DPP9: variants seen among roughly 807,000 people sequenced by gnomAD.
DPP9 encodes dipeptidyl peptidase 9, also known as dipeptidyl peptidase IV-related protein-2.
A neutral mutation model predicts 110.7 loss-of-function variants in DPP9; 50 were observed. The ratio of observed to expected loss-of-function variants is 0.45; its 90% CI spans 0.36 to 0.57. DPP9 has a LOEUF of 0.57. Among genes scored for constraint, DPP9 ranks in the 20% least tolerant of loss-of-function variants. The pLI is 0.00. For synonymous variants in DPP9, 561 were observed against 514.4 expected (o/e 1.09, Z -1.23); for missense variants, 1,022 against 1,217.9 (o/e 0.84, Z 2.39).
chr19:4,704,613 G>C lies in DPP9; in HGVS notation c.427-309C>G, dbSNP rs2092480325. ...ACAGACCCTCTCCATAGCAGATGGG[G>C]GCCCCTGGGAGGGGCTGTCCCTGCC... On this transcript the variant is annotated intron_variant, in intron 5 of 21. Transcript: ENST00000262960. The surrounding 1 kb of genome is among the most constrained non-coding windows in gnomAD (Gnocchi z 6.0). Among the ~76,000 whole-genome samples the C allele has an allele frequency of 6.6e-6, 1 of 152,130 alleles. No individual in the cohort carries two copies. Among genetic ancestry groups the C allele is most frequent in the Admixed American group, 6.5e-5 (1 of 15,284 alleles).
rs747191146 is a variant in DPP9, at chr19:4,694,819, T to C, written c.1358A>G (p.His453Arg). Residue 453 changes from histidine (H) to arginine (R), a missense_variant, in exon 13 of 22, where the codon CAT becomes CGT. Around this residue, in one of 3 missense-constraint regions of DPP9, gnomAD observed 810 missense variants for 920.6 expected, o/e 0.88. Transcript: ENST00000262960. This position sits in a 1 kb window ranked among gnomAD's most constrained non-coding sequence, Gnocchi z 4.0. ...TTGGGGGAAGGGATAGAAGATGTCATGAACCTGTCCGGAAAGCAGATAGAA... is the reference window on the plus strand; with the variant it reads ...TTGGGGGAAGGGATAGAAGATGTCACGAACCTGTCCGGAAAGCAGATAGAA... ...EEVTNVWINV[H>R]DIFYPFPQSE... 5 of 1,613,642 alleles carry C rather than the reference T, an allele frequency of 3.1e-6. No homozygotes were observed. Among genetic ancestry groups the C allele is most frequent in the Non-Finnish European group, 4.2e-6 (5 of 1,179,844 alleles).
At chr19:4,715,019 CTTTTTTTTTTT>C (rs59314200) in intron 3 of DPP9, among the ~76,000 whole-genome samples, 2 of 68,608 alleles carry the variant, frequency 2.9e-5, no homozygotes, top group Admixed American at 2.5e-4. Flanking sequence ...TATATATATA[CTTTTTTTTTTT>C]TTTTTTTTTT....
intron 11 of DPP9, among the ~76,000 whole-genome samples, chr19:4,696,362 G>T (rs1415142224): frequency 6.6e-6 from 1 of 151,800 alleles, no homozygotes; most frequent in African/African-American, 2.4e-5. Flanking sequence ...GCTCAGGCCT[G>T]CAATCCCAGC....
At chr19:4,679,805 G>T (rs528122357) in intron 21 of DPP9, 30 bp downstream of exon 21, 2 of 1,523,112 alleles carry the variant, frequency 1.3e-6, no homozygotes, top group East Asian at 2.4e-5. Context: ...TCGGCTCGCG[G>T]AGGGGCCGAA....
At chr19:4,723,450 C>T (rs2093410353) in intron 1 of DPP9, among the ~76,000 whole-genome samples, 2 of 152,072 alleles carry the variant, frequency 1.3e-5, no homozygotes, top group Non-Finnish European at 2.9e-5. Context: ...GGGAGGTGGC[C>T]TGGCCAGCGC....
chr19:4,702,093 C>A lies in DPP9; in HGVS notation c.946G>T (p.Val316Phe). 6.2e-7 allele frequency: 1 copy of A among 1,613,976 alleles called. No homozygotes were observed. The highest frequency in any genetic ancestry group is 8.5e-7 in the Non-Finnish European group (1 of 1,179,860). The change falls in exon 9 of 22, where the codon GTC becomes TTC. Residue 316 changes from valine (V) to phenylalanine (F), a missense_variant. Physicochemically the swap from Val to Phe is conservative, Grantham distance 50. Transcript: ENST00000262960. ...AGCGCAGGAGAGGGGACGTGAATGACCTCCACCTCGGACTCATCGACTTCC... is the reference window on the plus strand; with the variant it reads ...AGCGCAGGAGAGGGGACGTGAATGAACTCCACCTCGGACTCATCGACTTCC... ...YEEVDESEVEVIHVPSPALEE... is the reference protein window; with the variant it reads ...YEEVDESEVEFIHVPSPALEE...
chr19:4,694,303 A>G lies in DPP9; in HGVS notation c.1516+358T>C. On this transcript the variant is annotated intron_variant, in intron 13 of 21. Coordinates refer to ENST00000262960, the MANE Select transcript of DPP9 (RefSeq NM_139159.5). This position sits in a 1 kb window ranked among gnomAD's most constrained non-coding sequence, Gnocchi z 4.0. ...CTGCTGCTGCAGCACAAAAGCGACC[A>G]CAGACAGTCTCTGTAAACAAGTGGC... The G allele has an allele frequency of 2.3e-6, 1 of 428,888 alleles. No individual in the cohort carries two copies. Among genetic ancestry groups the G allele is most frequent in the Non-Finnish European group, 4.1e-6 (1 of 241,282 alleles). 26.6% of individuals were successfully genotyped at this position (428,888 alleles called of 1,614,324 possible).
chr19:4,689,685 TG>T lies in DPP9; in HGVS notation c.1633del (p.Gln545ArgfsTer37). 6.4e-7 allele frequency: 1 copy of T among 1,556,802 alleles called. No individual in the cohort carries two copies. Among genetic ancestry groups the T allele is most frequent in the Non-Finnish European group, 8.7e-7 (1 of 1,149,932 alleles). ...CTCCAGCGGCGTGTCCTTGGTGCCC[TG>T]GAAGTACACCAGCTTGGTCTCCTCA... is the stretch of plus-strand genomic sequence containing the variant. ...VNEETKLVYF[Q>X]GTKDTPLEHH... is the part of the protein sequence containing the mutation. On this transcript the variant is annotated frameshift_variant, in exon 15 of 22. Coordinates refer to ENST00000262960, the MANE Select transcript of DPP9 (RefSeq NM_139159.5). LOFTEE classifies it high-confidence loss of function. The surrounding 1 kb of genome is among the most constrained non-coding windows in gnomAD (Gnocchi z 7.0).
Position 4,704,439 on chromosome 19 carries a change from T to C in DPP9, c.427-135A>G, listed in dbSNP as rs1435639257. 12 of 1,101,038 alleles carry C rather than the reference T, an allele frequency of 1.1e-5. No homozygotes were observed. Among genetic ancestry groups the C allele is most frequent in the Non-Finnish European group, 1.3e-6 (1 of 775,472 alleles). 68.2% of individuals were successfully genotyped at this position (1,101,038 alleles called of 1,614,324 possible). A position where few individuals can be genotyped will look rare whatever the true frequency, so the allele number is the denominator to read the frequency against. On this transcript the variant is annotated intron_variant, in intron 5 of 21. Transcript: ENST00000262960. The surrounding 1 kb of genome is among the most constrained non-coding windows in gnomAD (Gnocchi z 6.0). ...CCTCGCCAGAGAGAACTTCCTGTAC[T>C]GGGCAGAATTGGCTGCCGGAGCCCT... is the stretch of plus-strand genomic sequence containing the variant.
chr19:4,711,598 C>A (rs1214992031), intron 4 of DPP9, among the ~76,000 whole-genome samples: 1 of 151,830 alleles, frequency 6.6e-6, no homozygotes, highest in Non-Finnish European at 1.5e-5. Context: ...CATGGAGAAA[C>A]CCTGCTTCTA....
At chr19:4,691,479 A>C (rs562677290) in intron 13 of DPP9, among the ~76,000 whole-genome samples, 53 of 151,646 alleles carry the variant, frequency 3.5e-4, no homozygotes, top group South Asian at 1.5e-3. Context: ...GTCTCAAAAA[A>C]AAAAAACAAA....
At chr19:4,697,476 G>A (rs866938955) in intron 11 of DPP9, 75 bp downstream of exon 11, 2 of 1,270,756 alleles carry the variant, frequency 1.6e-6, no homozygotes, top group Middle Eastern at 1.9e-4. Flanking sequence ...GGAAGGCCAG[G>A]AGGCAGCTTC....
At chr19:4,699,196 G>A (rs987409385) in intron 10 of DPP9, among the ~76,000 whole-genome samples, 2 of 150,858 alleles carry the variant, frequency 1.3e-5, no homozygotes, top group African/African-American at 4.9e-5. Context: ...ATGCAAAAGA[G>A]GTCTGGAGAG....
rs769238800 is a variant in DPP9 at position 4,705,977 on chromosome 19, G to A, written c.314-7C>T. On this transcript the variant is annotated splice_region_variant and splice_polypyrimidine_tract_variant and intron_variant, in intron 4 of 21. Coordinates refer to ENST00000262960, the MANE Select transcript of DPP9 (RefSeq NM_139159.5). The stretch of plus-strand genomic sequence containing the variant: ...CGGCTGCCATATGGCATTCCTAAAG[G>A]GAGAAAGGAAACACCCAGAACGGGT... The A allele has an allele frequency of 6.2e-7, 1 of 1,612,328 alleles. No individual in the cohort carries two copies. Among genetic ancestry groups the A allele is most frequent in the South Asian group, 1.1e-5 (1 of 91,020 alleles).
intron 4 of DPP9, among the ~76,000 whole-genome samples, chr19:4,708,682 G>A (rs1195427613): frequency 6.6e-6 from 1 of 152,162 alleles, no homozygotes; most frequent in East Asian, 1.9e-4. Flanking sequence ...AAGTAATGCA[G>A]GAACAGAAAA....
intron 2 of DPP9, among the ~76,000 whole-genome samples, chr19:4,720,930 C>T (rs2093292238): frequency 6.6e-6 from 1 of 152,218 alleles, no homozygotes; most frequent in Non-Finnish European, 1.5e-5. Flanking sequence ...CCTCCTTTCT[C>T]CCTCCCCACT....
intron 5 of DPP9, among the ~76,000 whole-genome samples, chr19:4,705,329 T>G (rs980187787): frequency 2.6e-5 from 4 of 152,114 alleles, no homozygotes; most frequent in African/African-American, 9.7e-5. Context: ...GTTCAAGAGA[T>G]CCTCCCATCT....
At position 4,718,976 on chromosome 19, in the gene DPP9, G is replaced by A. The variant is rs1042912830; in HGVS notation, c.56+875C>T. ...GTTTACTGACTGCCCCGGGGGGTGC[G>A]TGTCTAACCACATTCCATCCACACC... On this transcript the variant is annotated intron_variant, in intron 3 of 21. Transcript: ENST00000262960. The surrounding 1 kb of genome is among the most constrained non-coding windows in gnomAD (Gnocchi z 4.3). Among the ~76,000 whole-genome samples the A allele has an allele frequency of 2.5e-4, 38 of 152,166 alleles. No individual in the cohort carries two copies. The highest frequency in any genetic ancestry group is 8.0e-4 in the African/African-American group (33 of 41,508).
chr19:4,676,424 G>A lies in DPP9; in HGVS notation c.*140C>T. 1.4e-6 allele frequency: 1 copy of A among 694,716 alleles called. No homozygotes were observed. The allele number at this position is 694,716 out of a possible 1,614,324, so 43.0% of individuals were successfully genotyped here. ...AAAAGGCGTCGGGGCGGTGAAGGCA[G>A]CGGCTCCTCGGGGCTGGCCAGCGCT... On this transcript the variant is annotated 3_prime_UTR_variant, in exon 22 of 22. Transcript: ENST00000262960. The surrounding 1 kb of genome is among the most constrained non-coding windows in gnomAD (Gnocchi z 4.0).
Sources: allele counts gnomAD v4.1 joint callset (sites outside exome capture counted in the v4.1 genomes callset), GRCh38; gene constraint gnomAD v4.1.1; regional missense constraint gnomAD v4.1.1; non-coding constraint Gnocchi (gnomAD v3.1); transcripts MANE v1.5; gene names NCBI Gene and HGNC (gene_info 2026-07-23, HGNC 2026-07-21).